The following ZRANB1 variants were observed in gnomAD, a reference collection of about 807,000 sequenced individuals.
ZRANB1 encodes zinc finger RANBP2-type containing 1, also known as ubiquitin thioesterase ZRANB1.
Under a neutral mutation model 80.5 loss-of-function variants are expected in ZRANB1, and 16 were observed. That is an observed-to-expected ratio of 0.20 (90% confidence interval 0.13 to 0.30). ZRANB1 has a LOEUF of 0.30. Ranked by LOEUF, ZRANB1 falls within the 10% of genes least tolerant of loss-of-function variation. The pLI is 1.00. For missense variants in ZRANB1, 576 were observed against 862.6 expected (o/e 0.67, Z 4.16); for synonymous variants, 291 against 293.1 (o/e 0.99, Z 0.07).
intron 1 of ZRANB1, among the ~76,000 whole-genome samples, chr10:124,959,645 T>G (rs1423798646): frequency 6.6e-6 from 1 of 152,090 alleles, no homozygotes; most frequent in Non-Finnish European, 1.5e-5. Flanking sequence ...TCTTTAAATT[T>G]TTTGTGGAGA....
At chr10:124,948,950 C>G (rs950266002) in intron 1 of ZRANB1, among the ~76,000 whole-genome samples, 4 of 152,112 alleles carry the variant, frequency 2.6e-5, no homozygotes, top group African/African-American at 9.7e-5. Context: ...TGCCTGCTTC[C>G]TAGCTCTCTA....
At chr10:124,953,611 G>T (rs12240838) in intron 1 of ZRANB1, among the ~76,000 whole-genome samples, 24 of 152,258 alleles carry the variant, frequency 1.6e-4, no homozygotes, top group African/African-American at 5.8e-4. Context: ...TTTTGTGTGC[G>T]GTGTTTCTGT....
At chr10:124,924,034 T>G in the ZRANB1 span, among the ~76,000 whole-genome samples, 2 of 150,890 alleles carry the variant, frequency 1.3e-5, no homozygotes, top group African/African-American at 5.0e-5. Flanking sequence ...GTTTTGGTTT[T>G]TCATCCTTTG....
intron 1 of ZRANB1, among the ~76,000 whole-genome samples, chr10:124,955,243 T>G (rs1197577592): frequency 6.6e-6 from 1 of 151,936 alleles, no homozygotes; most frequent in Non-Finnish European, 1.5e-5. Context: ...GTTTTTTTTT[T>G]GTTTGTTTTT....
intron 5 of ZRANB1, among the ~76,000 whole-genome samples, chr10:124,975,304 T>C (rs1297291674): frequency 6.6e-6 from 1 of 152,232 alleles, no homozygotes; most frequent in African/African-American, 2.4e-5. Flanking sequence ...ACCTGCTCCA[T>C]GTCTCCATAC....
the ZRANB1 span, among the ~76,000 whole-genome samples, chr10:124,933,218 C>T: frequency 2.8e-5 from 2 of 71,628 alleles, no homozygotes; most frequent in Non-Finnish European, 7.5e-5. Context: ...CTCACTGCAA[C>T]GTCCACCTCC....
the ZRANB1 span, among the ~76,000 whole-genome samples, chr10:124,918,649 A>G: frequency 3.3e-5 from 5 of 152,264 alleles, no homozygotes; most frequent in South Asian, 4.1e-4. Context: ...AGGGGAAACC[A>G]TAAGGAATTT....
chr10:124,975,073 A>G (rs1589853940), intron 5 of ZRANB1, among the ~76,000 whole-genome samples: 1 of 152,242 alleles, frequency 6.6e-6, no homozygotes, highest in Non-Finnish European at 1.5e-5. Context: ...TGCTTGGATG[A>G]CAGGCCTGAG....
At position 124,988,097 on chromosome 10, in the gene ZRANB1, C is replaced by T. The variant is rs1328732322; in HGVS notation, c.*3105C>T. The T allele has an allele frequency of 6.6e-6, 1 of 152,434 alleles. No homozygotes were observed. Among genetic ancestry groups the T allele is most frequent in the East Asian group, 1.9e-4 (1 of 5,192 alleles). The allele number at this position is 152,434 out of a possible 1,614,324, so 9.4% of individuals were successfully genotyped here. A position where few individuals can be genotyped will look rare whatever the true frequency, so the allele number is the denominator to read the frequency against. On this transcript the variant is annotated 3_prime_UTR_variant, in exon 9 of 9. Transcript: ENST00000359653. ...TTTTTTGAATTGATTTAGCACTAAC[C>T]CACCATTGCATCTTAAGGATGGCAT...
chr10:124,960,450 G>C (rs1404399051), intron 1 of ZRANB1, among the ~76,000 whole-genome samples: 1 of 152,120 alleles, frequency 6.6e-6, no homozygotes, highest in Non-Finnish European at 1.5e-5. Context: ...TTTTTAAACA[G>C]AGACAGGGTC....
intron 1 of ZRANB1, among the ~76,000 whole-genome samples, chr10:124,964,069 A>T (rs1951758570): frequency 6.6e-6 from 1 of 152,240 alleles, no homozygotes. Context: ...TTGTAGTTTA[A>T]TGCAGAGCAT....
chr10:124,956,627 C>T (rs775634039), intron 1 of ZRANB1, among the ~76,000 whole-genome samples: 28 of 152,156 alleles, frequency 1.8e-4, no homozygotes, highest in African/African-American at 4.3e-4. Flanking sequence ...CTCGCCACCA[C>T]GCCCAGCTCA....
chr10:124,926,120 G>C, the ZRANB1 span, among the ~76,000 whole-genome samples: 1 of 152,196 alleles, frequency 6.6e-6, no homozygotes, highest in Non-Finnish European at 1.5e-5. Context: ...CACCTGTATA[G>C]GGGAATGGAG....
chr10:124,934,930 TTGGAGGAAAACCAGGA>T, the ZRANB1 span, among the ~76,000 whole-genome samples: 1 of 152,188 alleles, frequency 6.6e-6, no homozygotes, highest in East Asian at 1.9e-4. Context: ...GCTACTGAGA[TTGGAGGAAAACCAGGA>T]GAATGTCTTG....
the ZRANB1 span, among the ~76,000 whole-genome samples, chr10:124,934,596 G>T: frequency 6.6e-6 from 1 of 152,146 alleles, no homozygotes; most frequent in Non-Finnish European, 1.5e-5. Flanking sequence ...CCTTTAATTT[G>T]TAGATGGGAA....
Position 124,985,587 on chromosome 10 carries a change from T to A in ZRANB1, c.*595T>A, listed in dbSNP as rs888645500. 9 of 152,690 alleles carry A rather than the reference T, an allele frequency of 5.9e-5. No homozygotes were observed. Among genetic ancestry groups the A allele is most frequent in the Admixed American group, 2.0e-4 (3 of 15,286 alleles). 9.5% of individuals were successfully genotyped at this position (152,690 alleles called of 1,614,324 possible). A position where few individuals can be genotyped will look rare whatever the true frequency, so the allele number is the denominator to read the frequency against. ...AACAAACTGCAAGAAAAGCTAAGAATGTTTTAGAGTGAACTAAATACAGAC... is the reference window on the plus strand; with the variant it reads ...AACAAACTGCAAGAAAAGCTAAGAAAGTTTTAGAGTGAACTAAATACAGAC... On this transcript the variant is annotated 3_prime_UTR_variant, in exon 9 of 9. Transcript: ENST00000359653.
chr10:124,951,598 A>C (rs1328386617), intron 1 of ZRANB1, among the ~76,000 whole-genome samples: 8 of 152,164 alleles, frequency 5.3e-5, no homozygotes, highest in Admixed American at 5.2e-4. Context: ...TTTAAAAATT[A>C]TTTCTTTCAC....
rs550851183 is a variant in ZRANB1, at chr10:124,953,632, C to G, written c.814+10325C>G. 1.1e-4 allele frequency among the ~76,000 whole-genome samples: 16 copies of G among 152,296 alleles called. No homozygotes were observed. The South Asian group carries it at 2.9e-3, about 28-fold the overall frequency. On this transcript the variant is annotated intron_variant, in intron 1 of 8. Coordinates refer to ENST00000359653, the MANE Select transcript of ZRANB1 (RefSeq NM_017580.3). ...GTGCGGTGTTTCTGTAGTGTGTGTTCTGTTTGCTCTGCTCATGTTGGCCTG... is the reference window on the plus strand; with the variant it reads ...GTGCGGTGTTTCTGTAGTGTGTGTTGTGTTTGCTCTGCTCATGTTGGCCTG...
rs1952065125 is a variant in ZRANB1, at chr10:124,987,029, TC to T, written c.*2040del. 6.6e-6 allele frequency: 1 copy of T among 152,590 alleles called. No individual in the cohort carries two copies. The highest frequency in any genetic ancestry group is 2.4e-5 in the African/African-American group (1 of 41,436). The allele number at this position is 152,590 out of a possible 1,614,324, so 9.5% of individuals were successfully genotyped here. On this transcript the variant is annotated 3_prime_UTR_variant, in exon 9 of 9. Coordinates refer to ENST00000359653, the MANE Select transcript of ZRANB1 (RefSeq NM_017580.3). ...CATAGTGTGATAGGTGCAGCATTCTTCCCTGTGGGAAAGAATTAAAGATGGT... is the reference window on the plus strand; with the variant it reads ...CATAGTGTGATAGGTGCAGCATTCTTCCTGTGGGAAAGAATTAAAGATGGT...
Sources: gnomAD v4.1 joint callset for allele counts (sites outside exome capture counted in the v4.1 genomes callset) on GRCh38, gnomAD v4.1.1 for gene constraint, MANE v1.5 for transcripts, NCBI Gene and HGNC (gene_info 2026-07-23, HGNC 2026-07-21) for gene names.